The following ARID3A variants were observed in gnomAD, a reference collection of about 807,000 sequenced individuals.
ARID3A encodes AT-rich interactive domain-containing protein 3A.
ARID3A carries 11 observed loss-of-function variants against 52.7 expected under a neutral mutation model. That is an observed-to-expected ratio of 0.21 (90% confidence interval 0.13 to 0.35). The LOEUF is 0.35. Ranked by LOEUF, ARID3A falls within the 10% of genes least tolerant of loss-of-function variation. The probability of loss-of-function intolerance (pLI) is 1.00; values close to 1 mark genes in which losing one functional copy is unlikely to be tolerated. For synonymous variants in ARID3A, 404 were observed against 359.4 expected (o/e 1.12, Z -1.40); for missense variants, 721 against 838.5 (o/e 0.86, Z 1.73).
At chr19:932,852 G>C in intron 3 of ARID3A, 110 bp downstream of exon 3, 6 of 1,486,786 alleles carry the variant, frequency 4.0e-6, no homozygotes, top group Non-Finnish European at 5.3e-6. Flanking sequence ...GTCGAGTTGA[G>C]AGCTGGGGGT....
intron 3 of ARID3A, among the ~76,000 whole-genome samples, chr19:946,558 A>C (rs1028878083): frequency 6.9e-6 from 1 of 145,552 alleles, no homozygotes; most frequent in African/African-American, 2.6e-5. Context: ...TTCCTGCCTC[A>C]GCCTCCCGAG....
At position 941,980 on chromosome 19, in the gene ARID3A, C is replaced by G. The variant is rs945831051; in HGVS notation, c.693+9238C>G. On this transcript the variant is annotated intron_variant, in intron 3 of 8. Coordinates refer to ENST00000263620, the MANE Select transcript of ARID3A (RefSeq NM_005224.3). This position sits in a 1 kb window ranked among gnomAD's most constrained non-coding sequence, Gnocchi z 6.9. The stretch of plus-strand genomic sequence containing the variant: ...TGCTGGACCCTGAAGCATGAGGTCG[C>G]GGTGGGGCCTATTAACCATTAGACC... Among the ~76,000 whole-genome samples the G allele has an allele frequency of 6.6e-6, 1 of 152,126 alleles. No homozygotes were observed. The highest frequency in any genetic ancestry group is 2.4e-5 in the African/African-American group (1 of 41,414).
At position 959,464 on chromosome 19, in the gene ARID3A, A is replaced by T. The variant is rs977602919; in HGVS notation, c.694-628A>T. ...AACTTTTTGTTATCATAATGTAGAG[A>T]TGGGGTCTCACTATGTTGCCCAGGC... On this transcript the variant is annotated intron_variant, in intron 3 of 8. Transcript: ENST00000263620. This position sits in a 1 kb window ranked among gnomAD's most constrained non-coding sequence, Gnocchi z 5.0. Among the ~76,000 whole-genome samples, 1 of 152,022 alleles carries T rather than the reference A, an allele frequency of 6.6e-6. No individual in the cohort carries two copies.
intron 4 of ARID3A, among the ~76,000 whole-genome samples, chr19:963,388 A>C (rs1438578917): frequency 1.3e-5 from 2 of 152,224 alleles, no homozygotes; most frequent in Non-Finnish European, 2.9e-5. Context: ...TCCTAAGTGC[A>C]GAATTTCACG....
chr19:954,972 G>A (rs1048670683), intron 3 of ARID3A, among the ~76,000 whole-genome samples: 1 of 152,172 alleles, frequency 6.6e-6, no homozygotes, highest in Non-Finnish European at 1.5e-5. Context: ...TGGGGAGGGA[G>A]TTTCCGGAGA....
chr19:934,663 G>C (rs565611129), intron 3 of ARID3A, among the ~76,000 whole-genome samples: 1 of 152,164 alleles, frequency 6.6e-6, no homozygotes, highest in African/African-American at 2.4e-5. Flanking sequence ...TGTAGGGACC[G>C]GGTGCCGCCT....
intron 3 of ARID3A, among the ~76,000 whole-genome samples, chr19:954,702 G>T (rs1040565901): frequency 1.3e-5 from 2 of 152,076 alleles, no homozygotes; most frequent in African/African-American, 4.8e-5. Flanking sequence ...TATCGGTCCT[G>T]GGAGGACGGG....
intron 3 of ARID3A, among the ~76,000 whole-genome samples, chr19:949,967 G>A (rs2037770494): frequency 6.6e-6 from 1 of 152,148 alleles, no homozygotes; most frequent in African/African-American, 2.4e-5. Context: ...CACCGCATCT[G>A]GGCTAGATTT....
At chr19:965,701 A>T (rs539996481) in intron 6 of ARID3A, among the ~76,000 whole-genome samples, 85 of 152,038 alleles carry the variant, frequency 5.6e-4, no homozygotes, top group African/African-American at 1.9e-3. Context: ...TCTAAAAAAA[A>T]TTTTTTTAGG....
Position 965,059 on chromosome 19 carries a change from C to T in ARID3A, c.1177C>T (p.Pro393Ser), listed in dbSNP as rs1436581385. The T allele has an allele frequency of 6.2e-7, 1 of 1,611,424 alleles. No homozygotes were observed. Among genetic ancestry groups the T allele is most frequent in the Non-Finnish European group, 8.5e-7 (1 of 1,179,024 alleles). Reference sequence around the variant, plus strand: ...AAGCACCAATGGCAGCTCCATCACCCCCGCCCCTAAGATCAAGAAAGGTAA... The same window carrying T: ...AAGCACCAATGGCAGCTCCATCACCTCCGCCCCTAAGATCAAGAAAGGTAA... ...AASTNGSSIT[P>S]APKIKKEEDS... The change falls in exon 6 of 9, where the codon CCC (proline) becomes TCC (serine). Residue 393 changes from proline to serine, a missense_variant. Coordinates refer to ENST00000263620, the MANE Select transcript of ARID3A (RefSeq NM_005224.3).
chr19:964,040 GCTGCCCCCT>G lies in ARID3A; in HGVS notation c.767-203_767-195del, dbSNP rs1227396036. Among the ~76,000 whole-genome samples the G allele has an allele frequency of 2.6e-5, 4 of 152,342 alleles. No individual in the cohort carries two copies. The highest frequency in any genetic ancestry group is 2.0e-4 in the Admixed American group (3 of 15,302). ...TTACTGGTGGATAAACCGAGGCAGA[GCTGCCCCCT>G]CTGCACCCTCTCGAGCAGAGGTTCC... On this transcript the variant is annotated intron_variant, in intron 4 of 8. Coordinates refer to ENST00000263620, the MANE Select transcript of ARID3A (RefSeq NM_005224.3). This position sits in a 1 kb window ranked among gnomAD's most constrained non-coding sequence, Gnocchi z 5.7.
At chr19:945,641 G>A (rs1206657974) in intron 3 of ARID3A, among the ~76,000 whole-genome samples, 5 of 152,178 alleles carry the variant, frequency 3.3e-5, no homozygotes, top group African/African-American at 4.8e-5. Flanking sequence ...CCACCAGGGA[G>A]GGCCCTTCCT....
intron 1 of ARID3A, among the ~76,000 whole-genome samples, chr19:926,971 G>GT (rs200096719): frequency 6.6e-6 from 1 of 151,676 alleles, no homozygotes; most frequent in Non-Finnish European, 1.5e-5. Flanking sequence ...TCCTTCTTGA[G>GT]TTTTTTTCTC....
chr19:964,519 G>A lies in ARID3A; in HGVS notation c.950+88G>A. ...CCTGCAGAAGAGGGAGGGGGTGGTGGGCAGCTGCAGAGGAGGGGGCAGTGG... is the reference window on the plus strand; with the variant it reads ...CCTGCAGAAGAGGGAGGGGGTGGTGAGCAGCTGCAGAGGAGGGGGCAGTGG... On this transcript the variant is annotated intron_variant, in intron 5 of 8. Coordinates refer to ENST00000263620, the MANE Select transcript of ARID3A (RefSeq NM_005224.3). The surrounding 1 kb of genome is among the most constrained non-coding windows in gnomAD (Gnocchi z 5.7). 1.4e-6 allele frequency: 2 copies of A among 1,458,714 alleles called. No homozygotes were observed. Among genetic ancestry groups the A allele is most frequent in the Non-Finnish European group, 1.8e-6 (2 of 1,093,428 alleles). 90.4% of individuals were successfully genotyped at this position (1,458,714 alleles called of 1,614,324 possible).
At position 964,177 on chromosome 19, in the gene ARID3A, C is replaced by T. The variant is rs1184262810; in HGVS notation, c.767-71C>T. On this transcript the variant is annotated intron_variant, in intron 4 of 8. Coordinates refer to ENST00000263620, the MANE Select transcript of ARID3A (RefSeq NM_005224.3). This position sits in a 1 kb window ranked among gnomAD's most constrained non-coding sequence, Gnocchi z 5.7. ...GGGAGTGCTCCTGGCATGGAGAGGG[C>T]GGAGGCCAGGACACTCGGCTCCCTG... The T allele has an allele frequency of 2.6e-5, 35 of 1,331,724 alleles. No homozygotes were observed. Among genetic ancestry groups the T allele is most frequent in the Admixed American group, 3.8e-5 (2 of 52,534 alleles). The allele number at this position is 1,331,724 out of a possible 1,614,324, so 82.5% of individuals were successfully genotyped here.
Position 929,941 on chromosome 19 carries a change from C to A in ARID3A, c.368+45C>A. 1 of 1,534,442 alleles carries A rather than the reference C, an allele frequency of 6.5e-7. No homozygotes were observed. Among genetic ancestry groups the A allele is most frequent in the South Asian group, 1.2e-5 (1 of 83,866 alleles). Reference sequence around the variant, plus strand: ...AGGGCCTTCTGGGGGCTGTTACTGGCTCTGAGTGTCACTCTGCTCATCTGC... The same window carrying A: ...AGGGCCTTCTGGGGGCTGTTACTGGATCTGAGTGTCACTCTGCTCATCTGC... On this transcript the variant is annotated intron_variant, in intron 2 of 8. Coordinates refer to ENST00000263620, the MANE Select transcript of ARID3A (RefSeq NM_005224.3). The surrounding 1 kb of genome is among the most constrained non-coding windows in gnomAD (Gnocchi z 6.2).
rs1173406669 is a variant in ARID3A, at chr19:960,242, A to G, written c.766+78A>G. On this transcript the variant is annotated intron_variant, in intron 4 of 8. Transcript: ENST00000263620. The surrounding 1 kb of genome is among the most constrained non-coding windows in gnomAD (Gnocchi z 4.3). The stretch of plus-strand genomic sequence containing the variant: ...AGGAGGGGCCCTACTGGCTCCAGGT[A>G]TGTCGGGGCGGTGGTGAGCACCCCG... 7.2e-6 allele frequency: 10 copies of G among 1,386,566 alleles called. No homozygotes were observed. Among genetic ancestry groups the G allele is most frequent in the Non-Finnish European group, 9.9e-6 (10 of 1,008,608 alleles). 85.9% of individuals were successfully genotyped at this position (1,386,566 alleles called of 1,614,324 possible). A position where few individuals can be genotyped will look rare whatever the true frequency, so the allele number is the denominator to read the frequency against.
At chr19:957,624 G>A (rs2037949904) in intron 3 of ARID3A, among the ~76,000 whole-genome samples, 1 of 152,170 alleles carries the variant, frequency 6.6e-6, no homozygotes, top group African/African-American at 2.4e-5. Flanking sequence ...GAGGATCGAG[G>A]GAGCCCAGGA....
In ARID3A at chr19:929,478, G is replaced by A. The variant is rs777783556; in HGVS notation, c.-51G>A. 27 of 1,360,478 alleles carry A rather than the reference G, an allele frequency of 2.0e-5. No homozygotes were observed. The highest frequency in any genetic ancestry group is 5.2e-5 in the South Asian group (4 of 77,408). 84.3% of individuals were successfully genotyped at this position (1,360,478 alleles called of 1,614,324 possible). On this transcript the variant is annotated 5_prime_UTR_variant, in exon 2 of 9. Coordinates refer to ENST00000263620, the MANE Select transcript of ARID3A (RefSeq NM_005224.3). The surrounding 1 kb of genome is among the most constrained non-coding windows in gnomAD (Gnocchi z 6.2). ...GCCGCCCCCGCCGCCCACCCCTAGCGCCCGTGGTGGTGGTGGTGGTGGTGG... is the reference window on the plus strand; with the variant it reads ...GCCGCCCCCGCCGCCCACCCCTAGCACCCGTGGTGGTGGTGGTGGTGGTGG...
Sources: allele counts gnomAD v4.1 joint callset (sites outside exome capture counted in the v4.1 genomes callset), GRCh38; gene constraint gnomAD v4.1.1; non-coding constraint Gnocchi (gnomAD v3.1); transcripts MANE v1.5; gene names NCBI Gene and HGNC (gene_info 2026-07-23, HGNC 2026-07-21).